Variants in ABHD3 observed in about 807,000 individuals in gnomAD.
ABHD3 encodes the protein phospholipase ABHD3.
A neutral mutation model predicts 48.8 loss-of-function variants in ABHD3; 46 were observed. The ratio of observed to expected loss-of-function variants is 0.94; its 90% CI spans 0.74 to 1.20. The LOEUF is 1.20. Ranked by LOEUF, ABHD3 falls within the 50% of genes most tolerant of loss-of-function variation. The pLI, the probability that ABHD3 is intolerant of heterozygous loss-of-function variation, is 0.00. For missense variants in ABHD3, 490 were observed against 497.8 expected (o/e 0.98, Z 0.15); for synonymous variants, 192 against 183.7 (o/e 1.04, Z -0.36).
Position 21,651,351 on chromosome 18 carries a change from G to A in ABHD3, c.*240C>T. The A allele has an allele frequency of 3.0e-6, 1 of 329,420 alleles. No individual in the cohort carries two copies. Among genetic ancestry groups the A allele is most frequent in the Non-Finnish European group, 5.5e-6 (1 of 181,484 alleles). The allele number at this position is 329,420 out of a possible 1,614,324, so 20.4% of individuals were successfully genotyped here. A position where few individuals can be genotyped will look rare whatever the true frequency, so the allele number is the denominator to read the frequency against. On this transcript the variant is annotated 3_prime_UTR_variant, in exon 9 of 9. Transcript: ENST00000289119. ...TCATGTACATACTACTTTGTTTAAG[G>A]ATGTACTTGGTAAGGCATAGTAAAA...
chr18:21,661,102 T>TAAAAAAAAAAAAAAAAAAACAA (rs2039482853), intron 5 of ABHD3, among the ~76,000 whole-genome samples: 2 of 57,222 alleles, frequency 3.5e-5, no homozygotes, highest in African/African-American at 7.0e-5. Context: ...AACTACAAGC[T>TAAAAAAAAAAAAAAAAAAACAA]AAAAAAAAAA....
chr18:21,693,182 A>G (rs1177432983), intron 3 of ABHD3, among the ~76,000 whole-genome samples: 1 of 152,190 alleles, frequency 6.6e-6, no homozygotes, highest in African/African-American at 2.4e-5. Flanking sequence ...AAGCCATACA[A>G]TGGTCCTAAT....
At chr18:21,687,162 G>A (rs2040145837) in intron 3 of ABHD3, among the ~76,000 whole-genome samples, 1 of 151,788 alleles carries the variant, frequency 6.6e-6, no homozygotes, top group South Asian at 2.1e-4. Context: ...CTCTCGTCTT[G>A]GCCTCCTGAA....
intron 5 of ABHD3, among the ~76,000 whole-genome samples, chr18:21,662,987 T>C (rs1379064214): frequency 2.0e-5 from 3 of 152,212 alleles, no homozygotes; most frequent in Non-Finnish European, 4.4e-5. Flanking sequence ...CTAAACTCCG[T>C]CCATTAAGCA....
intron 4 of ABHD3, among the ~76,000 whole-genome samples, chr18:21,677,804 C>T (rs755427535): frequency 3.3e-5 from 5 of 152,066 alleles, no homozygotes; most frequent in Non-Finnish European, 7.4e-5. Context: ...CTGCCTCAGC[C>T]TCCTGAGTAG....
At chr18:21,682,325 C>T (rs2040022106) in intron 4 of ABHD3, 1 of 152,176 alleles carries the variant, frequency 6.6e-6, no homozygotes, top group Non-Finnish European at 1.5e-5. Flanking sequence ...ATACCTTGGT[C>T]TTTGCGCTGA....
At chr18:21,695,176 G>A (rs912853396) in intron 3 of ABHD3, among the ~76,000 whole-genome samples, 1 of 152,154 alleles carries the variant, frequency 6.6e-6, no homozygotes, top group African/African-American at 2.4e-5. Context: ...GGGATTACAG[G>A]CACCCGCCAC....
At chr18:21,671,937 A>G (rs2039766773) in intron 4 of ABHD3, among the ~76,000 whole-genome samples, 1 of 152,218 alleles carries the variant, frequency 6.6e-6, no homozygotes, top group Non-Finnish European at 1.5e-5. Flanking sequence ...ATGCCTGGCC[A>G]ACAACAGTAA....
chr18:21,687,734 C>G (rs1335100926), intron 3 of ABHD3, among the ~76,000 whole-genome samples: 1 of 152,046 alleles, frequency 6.6e-6, no homozygotes, highest in African/African-American at 2.4e-5. Flanking sequence ...CAAGATAACC[C>G]ATTAACCAGG....
At chr18:21,664,004 T>C (rs910561001) in intron 5 of ABHD3, 114 bp downstream of exon 5, 5 of 1,439,608 alleles carry the variant, frequency 3.5e-6, no homozygotes, top group Non-Finnish European at 4.5e-6. Flanking sequence ...ATGATAAACA[T>C]AATCAGACAT....
At chr18:21,704,256 G>A (rs985762253) in intron 1 of ABHD3, among the ~76,000 whole-genome samples, 7 of 152,204 alleles carry the variant, frequency 4.6e-5, no homozygotes, top group Non-Finnish European at 8.8e-5. Flanking sequence ...TGACCGGGCA[G>A]CGCCGCAGCG....
intron 8 of ABHD3, among the ~76,000 whole-genome samples, chr18:21,656,206 A>T (rs1222535340): frequency 6.6e-6 from 1 of 152,034 alleles, no homozygotes; most frequent in African/African-American, 2.4e-5. Context: ...ACAGGGTCTC[A>T]CTCTGCTATT....
intron 3 of ABHD3, among the ~76,000 whole-genome samples, chr18:21,689,082 C>CAGT (rs1568158517): frequency 1.3e-5 from 2 of 152,032 alleles, no homozygotes; most frequent in African/African-American, 4.8e-5. Context: ...AATATAAAGG[C>CAGT]AGTAGAGAAC....
chr18:21,655,685 C>G (rs538024513), intron 8 of ABHD3, among the ~76,000 whole-genome samples: 2 of 150,350 alleles, frequency 1.3e-5, no homozygotes, highest in African/African-American at 4.9e-5. Flanking sequence ...ACTAAAAATA[C>G]AAAAATTAGC....
chr18:21,677,554 T>C (rs1484003255), intron 4 of ABHD3, among the ~76,000 whole-genome samples: 1 of 152,124 alleles, frequency 6.6e-6, no homozygotes, highest in Non-Finnish European at 1.5e-5. Context: ...TATGGAGCTA[T>C]CACATTTTGC....
At chr18:21,692,644 A>G (rs1182826886) in intron 3 of ABHD3, among the ~76,000 whole-genome samples, 1 of 152,230 alleles carries the variant, frequency 6.6e-6, no homozygotes, top group Non-Finnish European at 1.5e-5. Context: ...GGAAGCTGGA[A>G]ACGAATGATA....
At chr18:21,682,695 C>T (rs1439178156) in intron 4 of ABHD3, 6 of 152,308 alleles carry the variant, frequency 3.9e-5, no homozygotes, top group Admixed American at 1.3e-4. Flanking sequence ...ACGAGCTTGG[C>T]TTTGCAGCAC....
chr18:21,694,828 T>C (rs1422504237), intron 3 of ABHD3, among the ~76,000 whole-genome samples: 4 of 152,116 alleles, frequency 2.6e-5, no homozygotes, highest in African/African-American at 9.7e-5. Flanking sequence ...CTCCTTTAAG[T>C]TGTATGTGAC....
intron 3 of ABHD3, among the ~76,000 whole-genome samples, chr18:21,688,147 CA>C (rs1370361849): frequency 6.6e-6 from 1 of 152,100 alleles, no homozygotes; most frequent in African/African-American, 2.4e-5. Flanking sequence ...AAAACAAAAA[CA>C]ACAAAAAAAG....
Sources: allele counts gnomAD v4.1 joint callset (sites outside exome capture counted in the v4.1 genomes callset), GRCh38; gene constraint gnomAD v4.1.1; transcripts MANE v1.5; gene names NCBI Gene and HGNC (gene_info 2026-07-23, HGNC 2026-07-21).